SPOCK3: variants seen among roughly 807,000 people sequenced by gnomAD.
SPOCK3 encodes the protein testican-3.
In SPOCK3, 30 loss-of-function variants were observed where a neutral mutation model predicts 56.6. The ratio of observed to expected loss-of-function variants is 0.53; its 90% CI spans 0.40 to 0.72. SPOCK3 has a LOEUF of 0.72. SPOCK3 is among the 30% of genes least tolerant of loss of function. The pLI is 0.00. For synonymous variants in SPOCK3, 196 were observed against 183.3 expected (o/e 1.07, Z -0.56); for missense variants, 527 against 530.0 (o/e 0.99, Z 0.06).
chr4:166,953,011 G>A (rs887092196), intron 4 of SPOCK3, among the ~76,000 whole-genome samples: 9 of 151,656 alleles, frequency 5.9e-5, no homozygotes, highest in African/African-American at 1.9e-4. Context: ...TACCATTCAG[G>A]ACATAGGCAT....
At chr4:167,194,055 T>A (rs1732707314) in intron 2 of SPOCK3, among the ~76,000 whole-genome samples, 1 of 152,192 alleles carries the variant, frequency 6.6e-6, no homozygotes. Context: ...CTGTTTTGCA[T>A]TCTCTATTGA....
chr4:167,037,113 G>A (rs929277999), intron 3 of SPOCK3, among the ~76,000 whole-genome samples: 2 of 152,160 alleles, frequency 1.3e-5, no homozygotes, highest in African/African-American at 4.8e-5. Context: ...CACTCACTGA[G>A]GCAATGTTGC....
At chr4:166,776,488 A>C (rs1183786798) in intron 7 of SPOCK3, among the ~76,000 whole-genome samples, 1 of 152,156 alleles carries the variant, frequency 6.6e-6, no homozygotes, top group Non-Finnish European at 1.5e-5. Flanking sequence ...GTTTCAAAGG[A>C]CATTTTAAAA....
intron 4 of SPOCK3, among the ~76,000 whole-genome samples, chr4:166,953,426 C>G (rs1742951809): frequency 6.6e-6 from 1 of 151,092 alleles, no homozygotes; most frequent in Non-Finnish European, 1.5e-5. Context: ...ATTAAAAAGT[C>G]AGGAAACAAC....
At chr4:166,767,613 G>A (rs1738279494) in intron 7 of SPOCK3, among the ~76,000 whole-genome samples, 1 of 152,190 alleles carries the variant, frequency 6.6e-6, no homozygotes, top group Non-Finnish European at 1.5e-5. Context: ...TTCCAACTAA[G>A]TGGTGAATTT....
intron 8 of SPOCK3, among the ~76,000 whole-genome samples, chr4:166,747,798 A>G (rs1735845138): frequency 6.6e-6 from 1 of 152,244 alleles, no homozygotes; most frequent in East Asian, 1.9e-4. Flanking sequence ...CTCAGGATAC[A>G]AAATCAATGT....
chr4:166,832,300 T>C (rs1233508304), intron 6 of SPOCK3, among the ~76,000 whole-genome samples: 1 of 151,936 alleles, frequency 6.6e-6, no homozygotes, highest in Non-Finnish European at 1.5e-5. Context: ...CTTCTGAATA[T>C]GGCTAGCCAG....
rs549795346 is a variant in SPOCK3, at chr4:166,832,873, T to C, written c.590-40584A>G. Among the ~76,000 whole-genome samples, 3 of 152,218 alleles carry C rather than the reference T, an allele frequency of 2.0e-5. No homozygotes were observed. In the East Asian group the frequency reaches 5.8e-4, roughly 29 times the overall value. ...TACTGGGTAAGCATGGACATAAAGA[T>C]GGCAACAATAAATTCTGGGTCCTAC... On this transcript the variant is annotated intron_variant, in intron 6 of 10. Coordinates refer to ENST00000357545, the MANE Select transcript of SPOCK3 (RefSeq NM_001040159.2).
intron 6 of SPOCK3, among the ~76,000 whole-genome samples, chr4:166,828,664 T>C (rs1005456785): frequency 2.0e-5 from 3 of 152,056 alleles, no homozygotes; most frequent in African/African-American, 7.2e-5. Context: ...ATGATTGTTT[T>C]GCATTGTGAA....
intron 5 of SPOCK3, among the ~76,000 whole-genome samples, chr4:166,902,316 G>A (rs970033690): frequency 4.0e-5 from 6 of 151,826 alleles, no homozygotes; most frequent in South Asian, 2.1e-4. Context: ...TTACTGTAAC[G>A]TGTCTAGACT....
chr4:167,228,738 C>T lies in SPOCK3; in HGVS notation c.189+5247G>A, dbSNP rs139872375. ...GTCAGGATGCTGCCAGAGCCTAGCC[C>T]TTTGCTGCTGTGGTTACTCACTGGT... On this transcript the variant is annotated intron_variant, in intron 2 of 10. Transcript: ENST00000357545. Among the ~76,000 whole-genome samples, 304 of 152,242 alleles carry T rather than the reference C, an allele frequency of 2.0e-3. 2 individuals carry two copies. The highest frequency in any genetic ancestry group is 6.6e-3 in the African/African-American group (273 of 41,566).
intron 2 of SPOCK3, among the ~76,000 whole-genome samples, chr4:167,146,277 T>C (rs1763947939): frequency 1.3e-5 from 2 of 152,244 alleles, no homozygotes; most frequent in African/African-American, 4.8e-5. Context: ...TAAATATATA[T>C]GCACCCAATA....
chr4:166,826,260 G>A (rs115646832), intron 6 of SPOCK3, among the ~76,000 whole-genome samples: 6,351 of 152,062 alleles, frequency 0.042, 470 homozygotes, highest in African/African-American at 0.15. Flanking sequence ...GTGTGTTATC[G>A]TATGTCATCA....
intron 3 of SPOCK3, among the ~76,000 whole-genome samples, chr4:167,047,060 C>T (rs1753800876): frequency 6.6e-6 from 1 of 152,114 alleles, no homozygotes; most frequent in Admixed American, 6.6e-5. Flanking sequence ...TGATCTCAAT[C>T]AAGAAGGCAT....
At chr4:167,214,736 T>C (rs920524334) in intron 2 of SPOCK3, among the ~76,000 whole-genome samples, 2 of 152,104 alleles carry the variant, frequency 1.3e-5, no homozygotes, top group African/African-American at 2.4e-5. Context: ...ATTTCACCAG[T>C]GTTTCTTCTT....
chr4:167,026,320 A>G (rs1751694908), intron 3 of SPOCK3, among the ~76,000 whole-genome samples: 1 of 152,102 alleles, frequency 6.6e-6, no homozygotes, highest in Non-Finnish European at 1.5e-5. Context: ...TGTATGTTAG[A>G]TCACTATTTC....
At chr4:166,835,892 G>T (rs777938908) in intron 6 of SPOCK3, among the ~76,000 whole-genome samples, 7 of 152,066 alleles carry the variant, frequency 4.6e-5, no homozygotes, top group Non-Finnish European at 8.8e-5. Flanking sequence ...TGTAATTCCA[G>T]CTACTCAGGA....
At chr4:167,177,852 C>A (rs1290146972) in intron 2 of SPOCK3, among the ~76,000 whole-genome samples, 1 of 152,128 alleles carries the variant, frequency 6.6e-6, no homozygotes, top group Non-Finnish European at 1.5e-5. Context: ...TAGGAGAACA[C>A]CAAGGCTTTG....
chr4:167,200,826 A>G (rs765983093), intron 2 of SPOCK3, among the ~76,000 whole-genome samples: 3 of 152,040 alleles, frequency 2.0e-5, no homozygotes, highest in Non-Finnish European at 4.4e-5. Context: ...AAACAAAAGT[A>G]CCTGGAAATT....
Sources: gnomAD v4.1 joint callset for allele counts (sites outside exome capture counted in the v4.1 genomes callset) on GRCh38, gnomAD v4.1.1 for gene constraint, MANE v1.5 for transcripts, NCBI Gene and HGNC (gene_info 2026-07-23, HGNC 2026-07-21) for gene names.